DGKH: variants seen among roughly 807,000 people sequenced by gnomAD.
The protein encoded by DGKH is DAG kinase eta.
Under a neutral mutation model 159.3 loss-of-function variants are expected in DGKH, and 90 were observed. The ratio of observed to expected loss-of-function variants is 0.57; its 90% CI spans 0.48 to 0.67. The LOEUF (loss-of-function observed/expected upper bound fraction) is 0.67, where lower values mean the gene tolerates loss of function less well. Among genes scored for constraint, DGKH ranks in the 30% least tolerant of loss-of-function variants. The probability of loss-of-function intolerance (pLI) is 0.00; values close to 1 mark genes in which losing one functional copy is unlikely to be tolerated. For missense variants in DGKH, 1,181 were observed against 1,506.1 expected (o/e 0.78, Z 3.57); for synonymous variants, 536 against 553.8 (o/e 0.97, Z 0.45).
intron 3 of DGKH, among the ~76,000 whole-genome samples, chr13:42,141,796 C>T (rs1566124835): frequency 6.6e-6 from 1 of 150,942 alleles, no homozygotes; most frequent in Non-Finnish European, 1.5e-5. Flanking sequence ...ATTCTGGATA[C>T]CCTTTGTCAG....
intron 1 of DGKH, among the ~76,000 whole-genome samples, chr13:42,094,638 TACA>T (rs1158370625): frequency 1.3e-5 from 2 of 152,230 alleles, no homozygotes; most frequent in Non-Finnish European, 2.9e-5. Context: ...GAGCCAAACG[TACA>T]ACATTGTACC....
At chr13:42,108,725 G>A (rs561875068) in intron 1 of DGKH, among the ~76,000 whole-genome samples, 5 of 152,170 alleles carry the variant, frequency 3.3e-5, no homozygotes, top group Non-Finnish European at 7.3e-5. Context: ...ATTTAGAGGA[G>A]ATAATTGGAA....
At chr13:42,101,177 C>T (rs1174976058) in intron 1 of DGKH, among the ~76,000 whole-genome samples, 1 of 152,200 alleles carries the variant, frequency 6.6e-6, no homozygotes, top group African/African-American at 2.4e-5. Context: ...ATTAATTATG[C>T]TCGCATATGT....
chr13:42,247,229 CTTTT>C (rs71096565), downstream of DGKH, among the ~76,000 whole-genome samples: 60 of 101,400 alleles, frequency 5.9e-4, no homozygotes, highest in African/African-American at 1.6e-3. Context: ...ACTATGTATA[CTTTT>C]TTTTTTTTTT....
At chr13:42,040,439 C>A (rs1397704040) in intron 1 of DGKH, among the ~76,000 whole-genome samples, 1 of 151,834 alleles carries the variant, frequency 6.6e-6, no homozygotes, top group African/African-American at 2.4e-5. Flanking sequence ...TTCGGTTCCG[C>A]GCCTTATAAG....
At chr13:42,146,012 C>T (rs1307932383) in intron 3 of DGKH, among the ~76,000 whole-genome samples, 6 of 152,134 alleles carry the variant, frequency 3.9e-5, no homozygotes, top group Non-Finnish European at 7.4e-5. Flanking sequence ...CTAATAATAA[C>T]TAATTTTTCC....
intron 29 of DGKH, among the ~76,000 whole-genome samples, chr13:42,224,694 A>G (rs1958074343): frequency 6.6e-6 from 1 of 152,068 alleles, no homozygotes; most frequent in Non-Finnish European, 1.5e-5. Context: ...TCCCTGGGCT[A>G]TGCTCCATTC....
At chr13:42,134,782 C>T (rs1005775503) in intron 3 of DGKH, among the ~76,000 whole-genome samples, 4 of 152,038 alleles carry the variant, frequency 2.6e-5, no homozygotes, top group Admixed American at 2.0e-4. Flanking sequence ...GCAGGTGGAT[C>T]GCTTGAGGCT....
At chr13:42,188,960 T>C in intron 14 of DGKH, 76 bp from the exon 15 acceptor site, 1 of 1,507,494 alleles carries the variant, frequency 6.6e-7, no homozygotes, top group Non-Finnish European at 8.9e-7. Context: ...AACATCTCTA[T>C]AAAAATTTCT....
At chr13:42,051,967 G>A (rs1250573961) in intron 1 of DGKH, among the ~76,000 whole-genome samples, 1 of 152,124 alleles carries the variant, frequency 6.6e-6, no homozygotes, top group Non-Finnish European at 1.5e-5. Context: ...CTCAGCCCCA[G>A]TCATTTTTAA....
chr13:42,184,708 T>C (rs573416643), intron 13 of DGKH, among the ~76,000 whole-genome samples: 3 of 151,502 alleles, frequency 2.0e-5, no homozygotes, highest in African/African-American at 7.3e-5. Context: ...CCAAAAAAAA[T>C]TTTTTTAAAT....
At chr13:42,122,078 T>C (rs971460845) in intron 1 of DGKH, among the ~76,000 whole-genome samples, 1 of 152,214 alleles carries the variant, frequency 6.6e-6, no homozygotes, top group African/African-American at 2.4e-5. Context: ...TGATAGTTCT[T>C]TGTAGCTAGA....
At chr13:42,167,667 C>G (rs992067219) in intron 9 of DGKH, among the ~76,000 whole-genome samples, 1 of 152,102 alleles carries the variant, frequency 6.6e-6, no homozygotes, top group African/African-American at 2.4e-5. Context: ...CTAGAGTTTC[C>G]TCATCTAGCC....
In DGKH at chr13:42,242,706, A is replaced by G. The variant is rs1958536282; in HGVS notation, c.*13518A>G. On this transcript the variant is annotated 3_prime_UTR_variant, in exon 30 of 30. Coordinates refer to ENST00000337343, the MANE Select transcript of DGKH (RefSeq NM_178009.5). ...TAATTTTTATGACTACTAAGTGACC[A>G]GTTTTCGGTGCCTTTTATTGTGGGA... 1 of 152,182 alleles carries G rather than the reference A, an allele frequency of 6.6e-6. No individual in the cohort carries two copies. Among genetic ancestry groups the G allele is most frequent in the Admixed American group, 6.5e-5 (1 of 15,272 alleles). The allele number at this position is 152,182 out of a possible 1,614,324, so 9.4% of individuals were successfully genotyped here.
chr13:42,228,100 T>C (rs894480886), intron 29 of DGKH, among the ~76,000 whole-genome samples: 6 of 152,172 alleles, frequency 3.9e-5, no homozygotes, highest in Non-Finnish European at 8.8e-5. Flanking sequence ...TTTCTTTTAG[T>C]TTTTCAGACA....
Position 42,209,001 on chromosome 13 carries a change from G to A in DGKH, c.2644G>A (p.Val882Ile), listed in dbSNP as rs1482579498. 1.2e-6 allele frequency: 2 copies of A among 1,612,854 alleles called. No homozygotes were observed. Among genetic ancestry groups the A allele is most frequent in the Non-Finnish European group, 1.7e-6 (2 of 1,179,378 alleles). ...PSFDDKILEV[V>I]AIFDSMQMAV... ...CTTTGATGACAAGATCCTGGAAGTT[G>A]TAGCAATATTTGATAGCATGCAAAT... Residue 882 changes from valine to isoleucine, a missense_variant, in exon 22 of 30, where the codon GTA becomes ATA. Transcript: ENST00000337343.
Position 42,082,133 on chromosome 13 carries a change from C to T in DGKH, c.192+33168C>T, listed in dbSNP as rs139041353. ...CTCTCACACCTCCTGTTGGGCTGCA[C>T]ACGTATCCTTCTTGCTCTGCTTGGA... On this transcript the variant is annotated intron_variant, in intron 1 of 29. Transcript: ENST00000337343. Among the ~76,000 whole-genome samples the T allele has an allele frequency of 9.9e-5, 15 of 151,924 alleles. No homozygotes were observed. In the East Asian group the frequency reaches 2.5e-3, roughly 26 times the overall value.
chr13:42,170,586 G>T (rs1443335192), intron 11 of DGKH, among the ~76,000 whole-genome samples: 1 of 152,002 alleles, frequency 6.6e-6, no homozygotes, highest in Non-Finnish European at 1.5e-5. Context: ...AGAAACTTAA[G>T]ATCTTTGTTA....
intron 29 of DGKH, chr13:42,252,264 A>G (rs1958625753): frequency 6.6e-6 from 1 of 151,738 alleles, no homozygotes; most frequent in African/African-American, 2.4e-5. Context: ...TATTTTTCTG[A>G]CTTCTTGGGT....
Sources: gnomAD v4.1 joint callset for allele counts (sites outside exome capture counted in the v4.1 genomes callset) on GRCh38, gnomAD v4.1.1 for gene constraint, MANE v1.5 for transcripts, NCBI Gene and HGNC (gene_info 2026-07-23, HGNC 2026-07-21) for gene names.